The following LIG1 variants were observed in gnomAD, a reference collection of about 807,000 sequenced individuals.
LIG1 encodes DNA ligase 1.
Under a neutral mutation model 115.7 loss-of-function variants are expected in LIG1, and 70 were observed. The observed-to-expected ratio is 0.60, with a 90% CI of 0.50 to 0.74. The LOEUF (loss-of-function observed/expected upper bound fraction) is 0.74. LIG1 is among the 30% of genes least tolerant of loss of function. The pLI is 0.00. For synonymous variants in LIG1, 487 were observed against 495.3 expected (o/e 0.98, Z 0.22); for missense variants, 1,115 against 1,225.6 (o/e 0.91, Z 1.35).
At position 48,123,244 on chromosome 19, in the gene LIG1, A is replaced by T; in HGVS notation, c.2079T>A (p.Phe693Leu). The change falls in exon 22 of 28, where the codon TTT becomes TTA. Residue 693 changes from phenylalanine (F) to leucine (L), a missense_variant. Physicochemically the swap from Phe to Leu is conservative, Grantham distance 22 (BLOSUM62 0). Transcript: ENST00000263274. ...TGGTGTCCAGGGAGGTGGCGAAGAC[A>T]AACTCGCCCTCTGTCTCCACAAAGT... ...RENFVETEGEFVFATSLDTKD... is the reference protein window; with the variant it reads ...RENFVETEGELVFATSLDTKD... 6.2e-7 allele frequency: 1 copy of T among 1,614,152 alleles called. No homozygotes were observed. The highest frequency in any genetic ancestry group is 1.1e-5 in the South Asian group (1 of 91,076).
intron 17 of LIG1, among the ~76,000 whole-genome samples, chr19:48,133,743 A>G (rs1321128619): frequency 1.3e-5 from 2 of 152,036 alleles, no homozygotes; most frequent in East Asian, 3.9e-4. Context: ...TCACAGGCAC[A>G]CGCCACCACG....
chr19:48,149,694 T>C, intron 9 of LIG1, 69 bp downstream of exon 9: 1 of 1,227,168 alleles, frequency 8.1e-7, no homozygotes, highest in Non-Finnish European at 1.2e-6. Flanking sequence ...GAGCTGGGGG[T>C]GGGGCTGTCG....
chr19:48,169,184 C>T (rs976649808), intron 1 of LIG1, among the ~76,000 whole-genome samples: 9 of 152,100 alleles, frequency 5.9e-5, no homozygotes, highest in African/African-American at 2.2e-4. Flanking sequence ...AACACATTAG[C>T]GGTTGCCAGG....
In LIG1 at chr19:48,161,357, G is replaced by A; in HGVS notation, c.243+15C>T. ...GTTTCTTCTGGTAAAAATGGGCAGG[G>A]TGATGGGGACCTACCTGGCCTTTAG... On this transcript the variant is annotated intron_variant, in intron 4 of 27. Coordinates refer to ENST00000263274, the MANE Select transcript of LIG1 (RefSeq NM_000234.3). The A allele has an allele frequency of 1.2e-6, 2 of 1,614,150 alleles. No homozygotes were observed. Among genetic ancestry groups the A allele is most frequent in the East Asian group, 2.2e-5 (1 of 44,860 alleles).
intron 10 of LIG1, 116 bp from the exon 11 acceptor site, chr19:48,143,715 T>G: frequency 7.4e-6 from 8 of 1,075,428 alleles, no homozygotes; most frequent in Non-Finnish European, 1.2e-5. Context: ...CCCAAATGCA[T>G]GAGCTCACTT....
At chr19:48,156,909 A>C (rs915688955) in intron 5 of LIG1, 105 bp downstream of exon 5, 27 of 1,071,890 alleles carry the variant, frequency 2.5e-5, no homozygotes, top group Non-Finnish European at 3.1e-5. Flanking sequence ...ACTGCACTCC[A>C]GCCTAGGCAA....
chr19:48,141,927 G>T (rs1218554057), intron 11 of LIG1, among the ~76,000 whole-genome samples: 1 of 152,198 alleles, frequency 6.6e-6, no homozygotes, highest in African/African-American at 2.4e-5. Context: ...TGGAAAGAAG[G>T]TCTTTGCGGA....
intron 11 of LIG1, 53 bp downstream of exon 11, chr19:48,143,490 G>C (rs550418084): frequency 1.8e-6 from 2 of 1,135,448 alleles, no homozygotes; most frequent in Non-Finnish European, 2.7e-6. Flanking sequence ...GCCATGCAGA[G>C]GACAGACCCA....
At chr19:48,145,022 C>T (rs2035029916) in intron 9 of LIG1, among the ~76,000 whole-genome samples, 1 of 152,194 alleles carries the variant, frequency 6.6e-6, no homozygotes, top group African/African-American at 2.4e-5. Flanking sequence ...ATTCTCCTAC[C>T]TCAGCTTCTT....
rs748956711 is a variant in LIG1, at chr19:48,115,614, C to CATG, written c.*32_*34dup. The CATG allele has an allele frequency of 2.0e-6, 3 of 1,490,036 alleles. No individual in the cohort carries two copies. The highest frequency in any genetic ancestry group is 1.9e-6 in the Non-Finnish European group (2 of 1,067,274). 92.3% of individuals were successfully genotyped at this position (1,490,036 alleles called of 1,614,324 possible). On this transcript the variant is annotated 3_prime_UTR_variant, in exon 28 of 28. Coordinates refer to ENST00000263274, the MANE Select transcript of LIG1 (RefSeq NM_000234.3). ...TAATAACCCTGGGGTCCGTCCAACT[C>CATG]ATGCCCTGTACCCAGGCCCTAGGAG...
In LIG1 at chr19:48,127,357, G is replaced by C. The variant is rs779809518; in HGVS notation, c.1933-9C>G. 1.1e-5 allele frequency: 17 copies of C among 1,611,916 alleles called. No individual in the cohort carries two copies. On this transcript the variant is annotated splice_polypyrimidine_tract_variant and intron_variant, in intron 20 of 27. Transcript: ENST00000263274. The stretch of plus-strand genomic sequence containing the variant: ...TCAGACGCATCCACCTCCTGGGTTG[G>C]GGCACAACGGAGTTCGTGAGTGCAG...
Position 48,136,105 on chromosome 19 carries a change from C to T in LIG1, c.1352G>A (p.Arg451His). The T allele has an allele frequency of 3.8e-6, 6 of 1,569,700 alleles. No individual in the cohort carries two copies. Among genetic ancestry groups the T allele is most frequent in the Non-Finnish European group, 5.2e-6 (6 of 1,157,668 alleles). The change falls in exon 15 of 28, where the codon CGC becomes CAC. Residue 451 changes from arginine to histidine, a missense_variant. Physicochemically the swap from Arg to His is conservative, Grantham distance 29. Coordinates refer to ENST00000263274, the MANE Select transcript of LIG1 (RefSeq NM_000234.3). ...FIARSLSGRL[R>H]LGLAEQSVLA... ...CACCGACTGCTCTGCCAGCCCAAGG[C>T]GCAGCCGTCCGCTCAGGGACCTGGG...
At chr19:48,147,478 C>G (rs2035189711) in intron 9 of LIG1, 1 of 151,766 alleles carries the variant, frequency 6.6e-6, no homozygotes, top group South Asian at 2.1e-4. Context: ...GGAGCTCGAC[C>G]TGGGCAATGT....
At chr19:48,163,583 C>T (rs12979997) in intron 2 of LIG1, among the ~76,000 whole-genome samples, 80,607 of 151,726 alleles carry the variant, frequency 0.53, 21,624 homozygotes, top group East Asian at 0.68. Context: ...CCCAGACACA[C>T]GAAGTTCCTG....
intron 1 of LIG1, chr19:48,169,959 C>T (rs922457647): frequency 5.8e-5 from 13 of 225,076 alleles, no homozygotes; most frequent in African/African-American, 1.3e-4. Flanking sequence ...CTCCCCTTTC[C>T]AGGTGAACTC....
rs1330439828 is a variant in LIG1, at chr19:48,137,146, A to G, written c.1255-62T>C. On this transcript the variant is annotated intron_variant, in intron 13 of 27. Transcript: ENST00000263274. The surrounding 1 kb of genome is among the most constrained non-coding windows in gnomAD (Gnocchi z 4.3). ...AAGGCAGGGACCACACCTCCACCCC[A>G]CCAGCCGTGCTGCTGCCCTGCATTT... 7.5e-7 allele frequency: 1 copy of G among 1,340,324 alleles called. No individual in the cohort carries two copies. Among genetic ancestry groups the G allele is most frequent in the East Asian group, 2.4e-5 (1 of 42,346 alleles). 83.0% of individuals were successfully genotyped at this position (1,340,324 alleles called of 1,614,324 possible).
At position 48,143,951 on chromosome 19, in the gene LIG1, T is replaced by C; in HGVS notation, c.789A>G (p.Pro263=). 6.2e-7 allele frequency: 1 copy of C among 1,614,002 alleles called. No individual in the cohort carries two copies. Among genetic ancestry groups the C allele is most frequent in the Middle Eastern group, 1.6e-4 (1 of 6,062 alleles). The change falls in exon 10 of 28, where the codon CCA becomes CCG. Residue 263 remains proline, a synonymous_variant. Coordinates refer to ENST00000263274, the MANE Select transcript of LIG1 (RefSeq NM_000234.3). ...TGTTCTTGGCAGGATTGTAACCAGATGGATCCAGGGGTCTACGGAGGCAAA... is the reference window on the plus strand; with the variant it reads ...TGTTCTTGGCAGGATTGTAACCAGACGGATCCAGGGGTCTACGGAGGCAAA... ...KEGAAEGPLD[P]SGYNPAKNNY...
At position 48,137,767 on chromosome 19, in the gene LIG1, A is replaced by T; in HGVS notation, c.1088-79T>A. 1 of 1,539,124 alleles carries T rather than the reference A, an allele frequency of 6.5e-7. No homozygotes were observed. Among genetic ancestry groups the T allele is most frequent in the East Asian group, 2.3e-5 (1 of 43,008 alleles). ...TCTCCCTTCTCTCGCGGCCTGGATGAATTTTCTCCAGCTGTGTGTGCTTGT... is the reference window on the plus strand; with the variant it reads ...TCTCCCTTCTCTCGCGGCCTGGATGTATTTTCTCCAGCTGTGTGTGCTTGT... On this transcript the variant is annotated intron_variant, in intron 12 of 27. Coordinates refer to ENST00000263274, the MANE Select transcript of LIG1 (RefSeq NM_000234.3). The surrounding 1 kb of genome is among the most constrained non-coding windows in gnomAD (Gnocchi z 4.3).
At chr19:48,132,660 G>A (rs3730988) in intron 18 of LIG1, among the ~76,000 whole-genome samples, 1,996 of 151,672 alleles carry the variant, frequency 0.013, 38 homozygotes, top group African/African-American at 0.045. Flanking sequence ...GCACGGTAGC[G>A]GGCGCCTGTA....
Sources: allele counts gnomAD v4.1 joint callset (sites outside exome capture counted in the v4.1 genomes callset), GRCh38; gene constraint gnomAD v4.1.1; non-coding constraint Gnocchi (gnomAD v3.1); transcripts MANE v1.5; gene names NCBI Gene and HGNC (gene_info 2026-07-23, HGNC 2026-07-21).